The following NRXN3 variants were observed in gnomAD, a reference collection of about 807,000 sequenced individuals.
NRXN3 encodes neurexin III.
NRXN3 carries 32 observed loss-of-function variants against 137.6 expected under a neutral mutation model. The observed-to-expected ratio is 0.23, with a 90% confidence interval of 0.18 to 0.31. The LOEUF (loss-of-function observed/expected upper bound fraction) is 0.31. NRXN3 is among the 10% of genes least tolerant of loss of function. The pLI is 1.00. For missense variants in NRXN3, 1,574 were observed against 2,062.5 expected (o/e 0.76, Z 4.59); for synonymous variants, 798 against 784.5 (o/e 1.02, Z -0.29).
Position 78,537,015 on chromosome 14 carries a change from A to G in NRXN3, c.758-108105A>G, listed in dbSNP as rs149174380. The stretch of plus-strand genomic sequence containing the variant: ...TTAATCCAGTCTATCATTGATGGAC[A>G]TTTGGGTTGGTTCCAAGTCTTTGCT... On this transcript the variant is annotated intron_variant, in intron 4 of 20. Transcript: ENST00000335750. 7.1e-3 allele frequency among the ~76,000 whole-genome samples: 1,083 copies of G among 152,288 alleles called. 10 individuals are homozygous for G. The highest frequency in any genetic ancestry group is 0.025 in the African/African-American group (1,019 of 41,538).
chr14:79,816,600 A>G (rs2099252212), intron 20 of NRXN3, among the ~76,000 whole-genome samples: 1 of 152,234 alleles, frequency 6.6e-6, no homozygotes, highest in Non-Finnish European at 1.5e-5. Context: ...AGGTTTTCAT[A>G]TTCTGTCCCT....
At chr14:78,363,398 T>C (rs2085424401) in intron 4 of NRXN3, among the ~76,000 whole-genome samples, 2 of 152,226 alleles carry the variant, frequency 1.3e-5, no homozygotes, top group Non-Finnish European at 2.9e-5. Flanking sequence ...GAAGAGAACT[T>C]TTTATTGAGA....
chr14:78,700,898 A>G (rs1262623822), intron 6 of NRXN3, among the ~76,000 whole-genome samples: 1 of 151,824 alleles, frequency 6.6e-6, no homozygotes, highest in Non-Finnish European at 1.5e-5. Flanking sequence ...CAGCCTCCCG[A>G]GTAGCTGGGA....
chr14:79,427,941 A>G (rs904153876), intron 15 of NRXN3, among the ~76,000 whole-genome samples: 4 of 152,108 alleles, frequency 2.6e-5, no homozygotes, highest in Non-Finnish European at 4.4e-5. Context: ...TGCTACATCG[A>G]GAGAGAGTAA....
chr14:79,431,764 A>T (rs1219552067), intron 15 of NRXN3, among the ~76,000 whole-genome samples: 3 of 152,126 alleles, frequency 2.0e-5, no homozygotes, highest in Non-Finnish European at 4.4e-5. Flanking sequence ...TGTTTCTTTT[A>T]AAAAAATTAA....
intron 15 of NRXN3, among the ~76,000 whole-genome samples, chr14:79,306,167 T>G (rs1033086038): frequency 3.9e-5 from 6 of 152,208 alleles, no homozygotes; most frequent in South Asian, 4.1e-4. Context: ...GCTTAAATCC[T>G]TTCCAGAGTG....
chr14:78,762,182 TGAACCTGTCTTCTTAG>T (rs1288499488), intron 8 of NRXN3, among the ~76,000 whole-genome samples: 2 of 152,234 alleles, frequency 1.3e-5, no homozygotes, highest in Non-Finnish European at 2.9e-5. Context: ...TATGCATGAC[TGAACCTGTCTTCTTAG>T]GAAATCACGA....
intron 8 of NRXN3, among the ~76,000 whole-genome samples, chr14:78,795,069 G>C (rs2098817504): frequency 6.6e-6 from 1 of 152,170 alleles, no homozygotes; most frequent in Non-Finnish European, 1.5e-5. Flanking sequence ...ACTCCAGCCT[G>C]TGTAACAGAG....
chr14:79,578,132 T>A (rs1305261388), intron 16 of NRXN3, among the ~76,000 whole-genome samples: 20 of 152,192 alleles, frequency 1.3e-4, no homozygotes. Context: ...CTCATAGGAC[T>A]TACAGGACTA....
chr14:78,781,993 C>A (rs2098771565), intron 8 of NRXN3, among the ~76,000 whole-genome samples: 1 of 152,168 alleles, frequency 6.6e-6, no homozygotes, highest in Non-Finnish European at 1.5e-5. Flanking sequence ...TCGTTGGAAA[C>A]CTCTCCTTAA....
intron 15 of NRXN3, among the ~76,000 whole-genome samples, chr14:79,123,274 A>G (rs958443150): frequency 6.6e-6 from 1 of 152,016 alleles, no homozygotes; most frequent in Non-Finnish European, 1.5e-5. Context: ...CCTGGGAAGG[A>G]AGAGCCCCCC....
chr14:79,690,682 T>G lies in NRXN3; in HGVS notation c.3617-1491T>G, dbSNP rs555855590. ...CTGTATGAGAAGTGAATGGGGAACC[T>G]TGTGAACATCCTCCAATATTGCTAC... On this transcript the variant is annotated intron_variant, in intron 17 of 20. Transcript: ENST00000335750. 1.8e-4 allele frequency among the ~76,000 whole-genome samples: 27 copies of G among 152,166 alleles called. No individual in the cohort carries two copies. The East Asian group carries it at 5.2e-3, about 30-fold the overall frequency.
chr14:78,398,520 G>A (rs773114432), intron 4 of NRXN3, among the ~76,000 whole-genome samples: 4 of 152,146 alleles, frequency 2.6e-5, no homozygotes, highest in Non-Finnish European at 4.4e-5. Context: ...ACACATGAGG[G>A]TGGGGCTTGT....
At chr14:78,912,903 A>T (rs1482891789) in intron 10 of NRXN3, among the ~76,000 whole-genome samples, 1 of 152,158 alleles carries the variant, frequency 6.6e-6, no homozygotes, top group Non-Finnish European at 1.5e-5. Context: ...TATAAGTGAG[A>T]AACTGACTTT....
At chr14:79,564,525 T>C (rs4448862) in intron 16 of NRXN3, among the ~76,000 whole-genome samples, 1,668 of 152,254 alleles carry the variant, frequency 0.011, 20 homozygotes, top group Middle Eastern at 0.037. Flanking sequence ...CTAGACAAGC[T>C]TCATTGTCCC....
chr14:79,133,021 C>T (rs904722871), intron 15 of NRXN3, among the ~76,000 whole-genome samples: 1 of 152,198 alleles, frequency 6.6e-6, no homozygotes, highest in Non-Finnish European at 1.5e-5. Context: ...TGTCTGAGGC[C>T]AACCCTGAAG....
At chr14:78,620,567 A>C (rs761945824) in intron 4 of NRXN3, among the ~76,000 whole-genome samples, 2 of 152,160 alleles carry the variant, frequency 1.3e-5, no homozygotes, top group Non-Finnish European at 2.9e-5. Flanking sequence ...CCTCACCCAG[A>C]GTGGATGGTG....
intron 16 of NRXN3, among the ~76,000 whole-genome samples, chr14:79,489,155 G>A (rs2096686675): frequency 6.6e-6 from 1 of 152,178 alleles, no homozygotes; most frequent in Admixed American, 6.5e-5. Context: ...AAATAACAAT[G>A]TCCAATTTAG....
chr14:78,433,135 G>T (rs970577144), intron 4 of NRXN3, among the ~76,000 whole-genome samples: 12 of 152,072 alleles, frequency 7.9e-5, no homozygotes, highest in African/African-American at 2.9e-4. Flanking sequence ...CCAAGCTCAG[G>T]CCTATTGTTG....
Sources: gnomAD v4.1 joint callset for allele counts (sites outside exome capture counted in the v4.1 genomes callset) on GRCh38, gnomAD v4.1.1 for gene constraint, MANE v1.5 for transcripts, NCBI Gene and HGNC (gene_info 2026-07-23, HGNC 2026-07-21) for gene names.